Variants in HNF1B observed in about 807,000 individuals in gnomAD.
HNF1B encodes the protein HNF1 homeobox B, also known as hepatocyte nuclear factor 1-beta.
Under a neutral mutation model 61.7 loss-of-function variants are expected in HNF1B, and 8 were observed. The ratio of observed to expected loss-of-function variants is 0.13; its 90% CI spans 0.08 to 0.23. HNF1B has a LOEUF of 0.23. Ranked by LOEUF, HNF1B falls within the 10% of genes least tolerant of loss-of-function variation. HNF1B has a pLI of 1.00. For missense variants in HNF1B, 562 were observed against 714.5 expected, an observed-to-expected ratio of 0.79 and a Z score of 2.43; for synonymous variants, 314 against 287.7, an observed-to-expected ratio of 1.09 and a Z score of -0.93.
intron 8 of HNF1B, among the ~76,000 whole-genome samples, chr17:37,691,792 C>T (rs558010383): frequency 5.9e-5 from 9 of 152,284 alleles, no homozygotes; most frequent in Non-Finnish European, 7.4e-5. Flanking sequence ...TGCTCCCAAC[C>T]ATCAGAACAC....
At chr17:37,740,169 A>G (rs1365302467) in intron 1 of HNF1B, among the ~76,000 whole-genome samples, 1 of 152,046 alleles carries the variant, frequency 6.6e-6, no homozygotes, top group East Asian at 1.9e-4. Flanking sequence ...GGGTTTCACC[A>G]TGTTGGCCAG....
At chr17:37,725,550 G>A (rs1273656683) in intron 4 of HNF1B, among the ~76,000 whole-genome samples, 5 of 152,184 alleles carry the variant, frequency 3.3e-5, no homozygotes, top group African/African-American at 4.8e-5. Flanking sequence ...AGATAAAATG[G>A]CACTCAGATA....
intron 8 of HNF1B, among the ~76,000 whole-genome samples, chr17:37,696,692 A>G (rs1339332768): frequency 1.3e-5 from 2 of 152,228 alleles, no homozygotes; most frequent in Non-Finnish European, 2.9e-5. Context: ...ACATCGCTAT[A>G]AGCAATAAAT....
At chr17:37,738,985 C>A (rs1248350049) in intron 2 of HNF1B, among the ~76,000 whole-genome samples, 3 of 152,188 alleles carry the variant, frequency 2.0e-5, no homozygotes, top group Non-Finnish European at 4.4e-5. Context: ...CAAATGCATT[C>A]TATTGTTGAT....
At chr17:37,706,076 A>G (rs1329064702) in intron 5 of HNF1B, among the ~76,000 whole-genome samples, 5 of 152,122 alleles carry the variant, frequency 3.3e-5, no homozygotes, top group Admixed American at 3.3e-4. Context: ...CTCCTGCCTC[A>G]GCCTCCCGAG....
intron 4 of HNF1B, among the ~76,000 whole-genome samples, chr17:37,725,834 C>T (rs2033477190): frequency 6.6e-6 from 1 of 152,250 alleles, no homozygotes. Flanking sequence ...GAGGTGCTTG[C>T]ACTGTCTCAG....
intron 8 of HNF1B, among the ~76,000 whole-genome samples, chr17:37,690,849 G>A (rs960815292): frequency 6.6e-6 from 1 of 152,234 alleles, no homozygotes; most frequent in Non-Finnish European, 1.5e-5. Context: ...GGATCTGTGA[G>A]TGAGCACTCA....
chr17:37,692,782 C>T (rs1179108137), intron 8 of HNF1B, among the ~76,000 whole-genome samples: 1 of 152,094 alleles, frequency 6.6e-6, no homozygotes, highest in Non-Finnish European at 1.5e-5. Flanking sequence ...AAACAGGGAT[C>T]CGGAGCCCAG....
In HNF1B at chr17:37,733,737, C is replaced by T. The variant is rs1286591608; in HGVS notation, c.629G>A (p.Ser210Asn). ...DQLLFLFPEF[S>N]QQSHGPGQSD... ...CTGCCCAGGCCCATGGCTCTGTTGACTGAACTCTGGAAAGAGAAACAGCAG... is the reference window on the plus strand; with the variant it reads ...CTGCCCAGGCCCATGGCTCTGTTGATTGAACTCTGGAAAGAGAAACAGCAG... Residue 210 changes from serine to asparagine, a missense_variant, in exon 3 of 9, where the codon AGT becomes AAT. Transcript: ENST00000617811. 6.2e-7 allele frequency: 1 copy of T among 1,614,226 alleles called. No individual in the cohort carries two copies. The highest frequency in any genetic ancestry group is 1.7e-5 in the Admixed American group (1 of 60,030).
chr17:37,693,213 A>G (rs1214558035), intron 8 of HNF1B, among the ~76,000 whole-genome samples: 2 of 147,088 alleles, frequency 1.4e-5, no homozygotes, highest in Non-Finnish European at 3.0e-5. Flanking sequence ...AAAAAAAAAA[A>G]GAGTCACTGG....
intron 5 of HNF1B, among the ~76,000 whole-genome samples, chr17:37,709,374 C>T (rs953352721): frequency 4.6e-5 from 7 of 152,198 alleles, no homozygotes; most frequent in African/African-American, 1.7e-4. Flanking sequence ...CTCAGCCTCC[C>T]GAGTAGCTGG....
At chr17:37,721,305 A>G (rs141982729) in intron 4 of HNF1B, among the ~76,000 whole-genome samples, 2 of 152,322 alleles carry the variant, frequency 1.3e-5, no homozygotes, top group East Asian at 3.9e-4. Flanking sequence ...ACAGTTCCTG[A>G]AACGGGGAAG....
intron 2 of HNF1B, among the ~76,000 whole-genome samples, chr17:37,737,705 GGCACCTGCAGTCCCA>G (rs1276380271): frequency 3.3e-5 from 5 of 151,800 alleles, no homozygotes; most frequent in Non-Finnish European, 7.4e-5. Flanking sequence ...TGTGGTGGCG[GGCACCTGCAGTCCCA>G]GCTACTTGGG....
chr17:37,715,332 C>CT (rs1317331896), intron 4 of HNF1B, among the ~76,000 whole-genome samples: 13 of 152,196 alleles, frequency 8.5e-5, no homozygotes, highest in African/African-American at 3.1e-4. Context: ...GAAACCCCAG[C>CT]AGCTTTGAGC....
At chr17:37,703,723 A>C (rs1253231205) in intron 6 of HNF1B, among the ~76,000 whole-genome samples, 1 of 152,152 alleles carries the variant, frequency 6.6e-6, no homozygotes, top group Non-Finnish European at 1.5e-5. Context: ...CTTCTGCCAA[A>C]ATCAATGCAC....
chr17:37,702,710 T>G (rs2032612410), intron 6 of HNF1B, among the ~76,000 whole-genome samples: 1 of 152,232 alleles, frequency 6.6e-6, no homozygotes, highest in South Asian at 2.1e-4. Context: ...GAAACCTGCA[T>G]GTGCTTCAGA....
chr17:37,726,584 C>T (rs2033505700), intron 4 of HNF1B, among the ~76,000 whole-genome samples: 1 of 152,178 alleles, frequency 6.6e-6, no homozygotes, highest in South Asian at 2.1e-4. Context: ...CAGAGTTTGG[C>T]TGGTCTGAGA....
At chr17:37,727,520 G>A (rs1222439470) in intron 4 of HNF1B, among the ~76,000 whole-genome samples, 1 of 152,212 alleles carries the variant, frequency 6.6e-6, no homozygotes, top group Non-Finnish European at 1.5e-5. Flanking sequence ...GCATAAGGGA[G>A]ACAAAGCCAT....
chr17:37,722,907 C>T (rs1319458313), intron 4 of HNF1B, among the ~76,000 whole-genome samples: 1 of 152,044 alleles, frequency 6.6e-6, no homozygotes, highest in African/African-American at 2.4e-5. Context: ...TGCTCCTTCG[C>T]CTGACGTTTG....
Sources: allele counts gnomAD v4.1 joint callset (sites outside exome capture counted in the v4.1 genomes callset), GRCh38; gene constraint gnomAD v4.1.1; transcripts MANE v1.5; gene names NCBI Gene and HGNC (gene_info 2026-07-23, HGNC 2026-07-21).